LMX1A: variants seen among roughly 807,000 people sequenced by gnomAD.
LMX1A encodes the protein LIM homeobox transcription factor 1-alpha.
LMX1A carries 15 observed loss-of-function variants against 49.1 expected under a neutral mutation model. That is an observed-to-expected ratio of 0.31 (90% CI 0.20 to 0.47). The LOEUF (loss-of-function observed/expected upper bound fraction) is 0.47, where lower values mean the gene tolerates loss of function less well. LMX1A is among the 20% of genes least tolerant of loss of function. LMX1A has a pLI of 1.00. For synonymous variants in LMX1A, 167 were observed against 185.7 expected, an observed-to-expected ratio of 0.90 and a Z score of 0.82; for missense variants, 372 against 475.8, an observed-to-expected ratio of 0.78 and a Z score of 2.03.
At chr1:165,210,881 T>C in intron 5 of LMX1A, 105 bp from the exon 6 acceptor site, 1 of 642,406 alleles carries the variant, frequency 1.6e-6, no homozygotes, top group Non-Finnish European at 2.6e-6. Context: ...GTATCTGCTT[T>C]AGGAGCTGAA....
chr1:165,227,802 T>C (rs1480702451), intron 4 of LMX1A, among the ~76,000 whole-genome samples: 1 of 152,196 alleles, frequency 6.6e-6, no homozygotes, highest in African/African-American at 2.4e-5. Flanking sequence ...CTTATTAATA[T>C]GAGCAAATAC....
At position 165,340,262 on chromosome 1, in the gene LMX1A, C is replaced by A. The variant is rs1163646251; in HGVS notation, c.263+12814G>T. The stretch of plus-strand genomic sequence containing the variant: ...GGACCACAGACATGTGCCACCACAC[C>A]TGGCTAATGTTTTTGTTTTTATTTT... On this transcript the variant is annotated intron_variant, in intron 3 of 8. Coordinates refer to ENST00000342310, the MANE Select transcript of LMX1A (RefSeq NM_177398.4). Among the ~76,000 whole-genome samples, 3 of 152,070 alleles carry A rather than the reference C, an allele frequency of 2.0e-5. 1 individual carries two copies. The highest frequency in any genetic ancestry group is 4.4e-5 in the Non-Finnish European group (3 of 68,024).
At chr1:165,347,610 G>C (rs190402739) in intron 3 of LMX1A, among the ~76,000 whole-genome samples, 1 of 152,390 alleles carries the variant, frequency 6.6e-6, no homozygotes. Context: ...AGGTTTCAGA[G>C]TTAGGGCAGA....
intron 2 of LMX1A, among the ~76,000 whole-genome samples, chr1:165,354,372 G>A (rs898326157): frequency 1.3e-5 from 2 of 152,166 alleles, no homozygotes; most frequent in Admixed American, 6.5e-5. Flanking sequence ...GTAGGGTCTC[G>A]GCGTCCTGGG....
chr1:165,283,537 C>A (rs773759544), intron 3 of LMX1A, among the ~76,000 whole-genome samples: 1 of 152,180 alleles, frequency 6.6e-6, no homozygotes, highest in African/African-American at 2.4e-5. Flanking sequence ...TCATCTCCCA[C>A]GTGAATGGCT....
intron 3 of LMX1A, among the ~76,000 whole-genome samples, chr1:165,269,907 A>C (rs1653745884): frequency 6.6e-6 from 1 of 152,094 alleles, no homozygotes. Context: ...AGAGTTGGTG[A>C]GGGAGAGCAT....
At chr1:165,336,425 G>A (rs1329620768) in intron 3 of LMX1A, among the ~76,000 whole-genome samples, 5 of 152,096 alleles carry the variant, frequency 3.3e-5, no homozygotes, top group African/African-American at 4.8e-5. Flanking sequence ...AAGAGAGCCC[G>A]CAAATATCAG....
At chr1:165,249,328 T>TAGGGAAGAAACAATGCAGACAGCCACC in intron 4 of LMX1A, 80 bp downstream of exon 4, 1 of 984,022 alleles carries the variant, frequency 1.0e-6, no homozygotes, top group South Asian at 1.4e-5. Context: ...GCTGGCCATC[T>TAGGGAAGAAACAATGCAGACAGCCACC]AGGGAAGAAA....
At chr1:165,302,215 G>A (rs1654802609) in intron 3 of LMX1A, among the ~76,000 whole-genome samples, 3 of 151,714 alleles carry the variant, frequency 2.0e-5, no homozygotes, top group Admixed American at 1.3e-4. Context: ...GTGGGGGGCG[G>A]GGTGGATCAC....
intron 4 of LMX1A, among the ~76,000 whole-genome samples, chr1:165,221,944 C>CCCAT (rs148884855): frequency 2.0e-5 from 3 of 149,266 alleles, no homozygotes; most frequent in Non-Finnish European, 4.4e-5. Flanking sequence ...CACACACACA[C>CCCAT]GCACACGCAC....
At chr1:165,351,085 C>T (rs930040341) in intron 3 of LMX1A, among the ~76,000 whole-genome samples, 2 of 152,220 alleles carry the variant, frequency 1.3e-5, no homozygotes, top group African/African-American at 4.8e-5. Flanking sequence ...GTTTCTTCTC[C>T]TCTTGACACA....
chr1:165,239,035 A>C (rs1652549244), intron 4 of LMX1A, among the ~76,000 whole-genome samples: 1 of 151,924 alleles, frequency 6.6e-6, no homozygotes, highest in South Asian at 2.1e-4. Flanking sequence ...GTAAAAGCTC[A>C]ATAATTGTTG....
Position 165,244,662 on chromosome 1 carries a change from A to G in LMX1A, c.496+4746T>C, listed in dbSNP as rs140055267. ...TTCCCCTCTATCTCTTTAGCTCTCCATGATGGGAAATGACCAAGTAGAGAC... is the reference window on the plus strand; with the variant it reads ...TTCCCCTCTATCTCTTTAGCTCTCCGTGATGGGAAATGACCAAGTAGAGAC... On this transcript the variant is annotated intron_variant, in intron 4 of 8. Transcript: ENST00000342310. 6.4e-3 allele frequency among the ~76,000 whole-genome samples: 970 copies of G among 152,284 alleles called. 6 individuals carry two copies. The highest frequency in any genetic ancestry group is 0.021 in the African/African-American group (852 of 41,554).
chr1:165,249,724 G>A lies in LMX1A; in HGVS notation c.264-84C>T, dbSNP rs1028649463. ...GTCTCCCCTGAAGTCAACAGCAAAA[G>A]GAACTTCAAGAACTGGGATATGAAC... On this transcript the variant is annotated intron_variant, in intron 3 of 8. Transcript: ENST00000342310. The A allele has an allele frequency of 3.2e-6, 3 of 924,810 alleles. No individual in the cohort carries two copies. The African/African-American group carries it at 4.9e-5, about 15-fold the overall frequency. The allele number at this position is 924,810 out of a possible 1,614,324, so 57.3% of individuals were successfully genotyped here.
chr1:165,286,310 T>C (rs919201098), intron 3 of LMX1A, among the ~76,000 whole-genome samples: 42 of 152,222 alleles, frequency 2.8e-4, no homozygotes, highest in African/African-American at 9.4e-4. Context: ...ACTCTGGATC[T>C]GTGCAGGAAG....
intron 3 of LMX1A, among the ~76,000 whole-genome samples, chr1:165,334,884 G>T (rs566733561): frequency 6.6e-6 from 1 of 152,268 alleles, no homozygotes; most frequent in African/African-American, 2.4e-5. Flanking sequence ...ATAGCCCAAC[G>T]CAGTCAGTCT....
intron 3 of LMX1A, among the ~76,000 whole-genome samples, chr1:165,286,844 T>C (rs1654316267): frequency 6.6e-6 from 1 of 152,146 alleles, no homozygotes; most frequent in Non-Finnish European, 1.5e-5. Flanking sequence ...TTTACAAGAC[T>C]GTATCTGGAA....
intron 3 of LMX1A, among the ~76,000 whole-genome samples, chr1:165,268,671 G>A (rs1413438866): frequency 6.6e-6 from 1 of 152,222 alleles, no homozygotes; most frequent in African/African-American, 2.4e-5. Context: ...TATTAGCTGT[G>A]TGACCTTAGT....
At position 165,221,173 on chromosome 1, in the gene LMX1A, G is replaced by T. The variant is rs78053104; in HGVS notation, c.497-7360C>A. 8.1e-3 allele frequency among the ~76,000 whole-genome samples: 1,238 copies of T among 152,146 alleles called. 16 individuals carry two copies. Among genetic ancestry groups the T allele is most frequent in the African/African-American group, 0.028 (1,161 of 41,506 alleles). ...ACCTGCTTGATTTGCCTCACGGGTT[G>T]TTGTAAAGATCCAAGGATATGTGGT... On this transcript the variant is annotated intron_variant, in intron 4 of 8. Transcript: ENST00000342310.
Sources: allele counts gnomAD v4.1 joint callset (sites outside exome capture counted in the v4.1 genomes callset), GRCh38; gene constraint gnomAD v4.1.1; transcripts MANE v1.5; gene names NCBI Gene and HGNC (gene_info 2026-07-23, HGNC 2026-07-21).